Variants in HLA-DRB5 observed in about 807,000 individuals in gnomAD.
The protein encoded by HLA-DRB5 is DR beta-5.
In HLA-DRB5, 11 loss-of-function variants were observed where a neutral mutation model predicts 22.4. The observed-to-expected ratio is 0.49, with a 90% CI of 0.31 to 0.81. HLA-DRB5 has a LOEUF of 0.81. HLA-DRB5 is among the 40% of genes least tolerant of loss of function. HLA-DRB5 has a pLI of 0.05. For synonymous variants in HLA-DRB5, 57 were observed against 106.0 expected (o/e 0.54, Z 2.84); for missense variants, 106 against 274.4 (o/e 0.39, Z 4.34).
At chr6:32,523,035 A>G (rs73405198) in intron 1 of HLA-DRB5, among the ~76,000 whole-genome samples, 14,983 of 107,196 alleles carry the variant, frequency 0.14, 34 homozygotes, top group Non-Finnish European at 0.17. Context: ...AAAAGATTAG[A>G]CTGGAGACAT....
chr6:32,527,728 A>C lies in HLA-DRB5; in HGVS notation c.100+2397T>G, dbSNP rs1769770651. 5.5e-5 allele frequency among the ~76,000 whole-genome samples: 2 copies of C among 36,254 alleles called. 1 individual carries two copies. Among genetic ancestry groups the C allele is most frequent in the Admixed American group, 7.4e-4 (2 of 2,696 alleles). The allele number at this position is 36,254 out of a possible 152,430, so 23.8% of individuals were successfully genotyped here. Reference sequence around the variant, plus strand: ...TCTGTCTCTAGTAAAAACACAGAAAAAATAGCTGAGCATGGTGGCAGGTAC... The same window carrying C: ...TCTGTCTCTAGTAAAAACACAGAAACAATAGCTGAGCATGGTGGCAGGTAC... On this transcript the variant is annotated intron_variant, in intron 1 of 5. Transcript: ENST00000374975.
rs780712823 is a variant in HLA-DRB5 at position 32,530,182 on chromosome 6, GCT to G, written c.41_42del (p.Lys14ThrfsTer27). Reference sequence around the variant, plus strand: ...CTCAGCACCATCAGTGTCACTGTCAGCTTTGCCATGTAGGAACCTCCAGGGAG... The same window carrying G: ...CTCAGCACCATCAGTGTCACTGTCAGTTGCCATGTAGGAACCTCCAGGGAG... Reference protein sequence around the residue: ...LKLPGGSYMAKLTVTLMVLSS... With the variant: ...LKLPGGSYMAXLTVTLMVLSS... On this transcript the variant is annotated frameshift_variant, in exon 1 of 6. Coordinates refer to ENST00000374975, the MANE Select transcript of HLA-DRB5 (RefSeq NM_002125.4). LOFTEE classifies it high-confidence loss of function. 0.11 allele frequency: 147,628 copies of G among 1,394,226 alleles called. 5,649 individuals carry two copies. Among genetic ancestry groups the G allele is most frequent in the Non-Finnish European group, 0.11 (108,888 of 1,012,620 alleles). The allele number at this position is 1,394,226 out of a possible 1,614,324, so 86.4% of individuals were successfully genotyped here. A position where few individuals can be genotyped will look rare whatever the true frequency, so the allele number is the denominator to read the frequency against.
intron 1 of HLA-DRB5, among the ~76,000 whole-genome samples, chr6:32,528,999 G>A (rs961664141): frequency 1.8e-3 from 224 of 124,624 alleles, no homozygotes; most frequent in South Asian, 4.6e-3. Flanking sequence ...ATCTGTGCAA[G>A]CTTTAGGGAT....
chr6:32,526,077 A>G (rs114375471), intron 1 of HLA-DRB5, among the ~76,000 whole-genome samples: 27,191 of 77,512 alleles, frequency 0.35, 7,292 homozygotes, highest in Middle Eastern at 0.55. Flanking sequence ...AACCCAGAGC[A>G]CAGTCCTTCC....
chr6:32,529,845 T>C (rs148651020), intron 1 of HLA-DRB5, among the ~76,000 whole-genome samples: 8,256 of 118,198 alleles, frequency 0.07, no homozygotes, highest in African/African-American at 0.099. Context: ...TCCTTATTTC[T>C]AAATCCTCTA....
intron 1 of HLA-DRB5, among the ~76,000 whole-genome samples, chr6:32,523,160 G>A (rs138444974): frequency 0.064 from 2,265 of 35,536 alleles, 33 homozygotes; most frequent in Middle Eastern, 0.095. Flanking sequence ...ATGATCCCAT[G>A]AATGTCCACA....
intron 1 of HLA-DRB5, among the ~76,000 whole-genome samples, chr6:32,529,216 G>A (rs1201662435): frequency 0.15 from 15,687 of 105,636 alleles, 8 homozygotes; most frequent in Admixed American, 0.18. Flanking sequence ...CATTCTCTCT[G>A]TAACCCCACA....
Position 32,518,540 on chromosome 6 carries a change from A to T in HLA-DRB5, c.763+16T>A. The T allele has an allele frequency of 2.0e-6, 1 of 510,100 alleles. No homozygotes were observed. The highest frequency in any genetic ancestry group is 5.0e-5 in the Admixed American group (1 of 19,836). 31.6% of individuals were successfully genotyped at this position (510,100 alleles called of 1,614,324 possible). A position where few individuals can be genotyped will look rare whatever the true frequency, so the allele number is the denominator to read the frequency against. The stretch of plus-strand genomic sequence containing the variant: ...GGAAAAGTCTATGGAGAGAGCCGCT[A>T]CCAAAGGCTCCTCACCTTTCTGATT... On this transcript the variant is annotated intron_variant, in intron 4 of 5. Transcript: ENST00000374975.
intron 4 of HLA-DRB5, among the ~76,000 whole-genome samples, 184 bp from the exon 5 acceptor site, chr6:32,518,261 G>A (rs1242715489): frequency 1.9e-3 from 120 of 62,450 alleles, no homozygotes; most frequent in Admixed American, 2.3e-3. Flanking sequence ...TCTGTCACAG[G>A]ATCCAGTGTA....
chr6:32,520,637 T>C (rs73405168), intron 2 of HLA-DRB5, among the ~76,000 whole-genome samples: 22,372 of 71,788 alleles, frequency 0.31, 6,439 homozygotes, highest in African/African-American at 0.41. Context: ...TGCTTATGCC[T>C]AGGAAAATCC....
chr6:32,519,216 T>TG (rs1346833369), intron 3 of HLA-DRB5, among the ~76,000 whole-genome samples, 154 bp downstream of exon 3: 814 of 15,644 alleles, frequency 0.052, no homozygotes, highest in Admixed American at 0.06. Context: ...TTCTAGAAAC[T>TG]ATACAGGGCT....
rs192177829 is a variant in HLA-DRB5 at position 32,528,013 on chromosome 6, C to T, written c.100+2112G>A. Among the ~76,000 whole-genome samples the T allele has an allele frequency of 2.3e-3, 90 of 38,350 alleles. 4 individuals are homozygous for T. The highest frequency in any genetic ancestry group is 2.6e-3 in the African/African-American group (27 of 10,310). 25.2% of individuals were successfully genotyped at this position (38,350 alleles called of 152,430 possible). On this transcript the variant is annotated intron_variant, in intron 1 of 5. Coordinates refer to ENST00000374975, the MANE Select transcript of HLA-DRB5 (RefSeq NM_002125.4). Reference sequence around the variant, plus strand: ...TACCTCATCTTCTGCCACTGCATTTCCTTGCTTGCTCACTTCAGTCCCTCT... The same window carrying T: ...TACCTCATCTTCTGCCACTGCATTTTCTTGCTTGCTCACTTCAGTCCCTCT...
chr6:32,529,017 T>A (rs113015546), intron 1 of HLA-DRB5, among the ~76,000 whole-genome samples: 113,913 of 136,128 alleles, frequency 0.84, 48,489 homozygotes, highest in Middle Eastern at 0.89. Flanking sequence ...GATTTCTGGA[T>A]ATGATGACAA....
chr6:32,529,242 T>G (rs112875478), intron 1 of HLA-DRB5, among the ~76,000 whole-genome samples: 73,203 of 93,586 alleles, frequency 0.78, 30,785 homozygotes, highest in Middle Eastern at 0.87. Flanking sequence ...TATATAGTTT[T>G]AACCTTATCA....
At chr6:32,523,774 T>C (rs1165683477) in intron 1 of HLA-DRB5, among the ~76,000 whole-genome samples, 1 of 30,694 alleles carries the variant, frequency 3.3e-5, no homozygotes, top group African/African-American at 1.5e-4. Flanking sequence ...AAATAAACCA[T>C]AAAGAACTGA....
chr6:32,524,558 G>C (rs868493156), intron 1 of HLA-DRB5, among the ~76,000 whole-genome samples: 20,495 of 75,350 alleles, frequency 0.27, 688 homozygotes, highest in Middle Eastern at 0.35. Context: ...CATACAGACA[G>C]TTTACAAAAC....
intron 1 of HLA-DRB5, among the ~76,000 whole-genome samples, chr6:32,524,904 T>TA (rs1562444143): frequency 2.5e-5 from 1 of 40,802 alleles, no homozygotes; most frequent in African/African-American, 9.1e-5. Flanking sequence ...TAGGAACCTG[T>TA]TTGTTATCTG....
rs192498095 is a variant in HLA-DRB5, at chr6:32,522,075, A to G, written c.200T>C (p.Leu67Ser). ...CTCCCCCACGTCGCTGTCGAAGCGC[A>G]AGTCCTCCTCTTGGTTATAGATGTC... Reference protein sequence around the residue: ...HRDIYNQEEDLRFDSDVGEYR... With the variant: ...HRDIYNQEEDSRFDSDVGEYR... The change falls in exon 2 of 6, where the codon TTG becomes TCG. Residue 67 changes from leucine to serine, a missense_variant. Leu to Ser is a moderately radical substitution (Grantham distance 145). Transcript: ENST00000374975. 162,957 of 1,137,514 alleles carry G rather than the reference A, an allele frequency of 0.14. 9,059 individuals carry two copies. Among genetic ancestry groups the G allele is most frequent in the Middle Eastern group, 0.33 (1,286 of 3,950 alleles). 70.5% of individuals were successfully genotyped at this position (1,137,514 alleles called of 1,614,324 possible).
In HLA-DRB5 at chr6:32,521,258, C is replaced by T. The variant is rs1433586961; in HGVS notation, c.370+647G>A. Among the ~76,000 whole-genome samples the T allele has an allele frequency of 3.0e-5, 2 of 65,704 alleles. 1 individual carries two copies. The highest frequency in any genetic ancestry group is 1.2e-4 in the African/African-American group (2 of 16,298). The allele number at this position is 65,704 out of a possible 152,430, so 43.1% of individuals were successfully genotyped here. A position where few individuals can be genotyped will look rare whatever the true frequency, so the allele number is the denominator to read the frequency against. On this transcript the variant is annotated intron_variant, in intron 2 of 5. Coordinates refer to ENST00000374975, the MANE Select transcript of HLA-DRB5 (RefSeq NM_002125.4). Reference sequence around the variant, plus strand: ...TTAATCAAAAAGTTAGTTTCACAGTCATTTCAACTATGTAAAAATATACAC... The same window carrying T: ...TTAATCAAAAAGTTAGTTTCACAGTTATTTCAACTATGTAAAAATATACAC...
Sources: gnomAD v4.1 joint callset for allele counts (sites outside exome capture counted in the v4.1 genomes callset) on GRCh38, gnomAD v4.1.1 for gene constraint, MANE v1.5 for transcripts, NCBI Gene and HGNC (gene_info 2026-07-23, HGNC 2026-07-21) for gene names.